The following FOXP2 variants were observed in gnomAD, a reference collection of about 807,000 sequenced individuals.
The protein encoded by FOXP2 is forkhead box protein P2.
A neutral mutation model predicts 115.8 loss-of-function variants in FOXP2; 12 were observed. The ratio of observed to expected loss-of-function variants is 0.10; its 90% CI spans 0.07 to 0.17. The LOEUF (loss-of-function observed/expected upper bound fraction) is 0.17, where lower values mean the gene tolerates loss of function less well. Among genes scored for constraint, FOXP2 ranks in the 10% least tolerant of loss-of-function variants. FOXP2 has a pLI of 1.00. For missense variants in FOXP2, 629 were observed against 843.5 expected (o/e 0.75, Z 3.15); for synonymous variants, 328 against 297.7 (o/e 1.10, Z -1.05).
intron 1 of FOXP2, among the ~76,000 whole-genome samples, chr7:114,277,923 G>A (rs994772225): frequency 2.8e-4 from 43 of 151,618 alleles, no homozygotes; most frequent in African/African-American, 9.4e-4. Context: ...AGCTACTGGG[G>A]AGGCTAAGGC....
At chr7:114,564,288 T>C (rs1335205514) in intron 3 of FOXP2, among the ~76,000 whole-genome samples, 1 of 152,146 alleles carries the variant, frequency 6.6e-6, no homozygotes, top group Non-Finnish European at 1.5e-5. Context: ...CCTACTCATT[T>C]CTTGGGAGCC....
intron 16 of FOXP2, among the ~76,000 whole-genome samples, chr7:114,684,126 G>A (rs1808235888): frequency 6.6e-6 from 1 of 152,080 alleles, no homozygotes; most frequent in Non-Finnish European, 1.5e-5. Context: ...CCAAGTAGCT[G>A]GAACTACAAA....
At chr7:114,127,723 A>G (rs895544276) in intron 1 of FOXP2, among the ~76,000 whole-genome samples, 1 of 152,144 alleles carries the variant, frequency 6.6e-6, no homozygotes, top group African/African-American at 2.4e-5. Flanking sequence ...CTGCATAGAG[A>G]TCAGTAGATG....
chr7:114,345,199 G>A (rs1791318108), intron 2 of FOXP2, among the ~76,000 whole-genome samples: 1 of 151,670 alleles, frequency 6.6e-6, no homozygotes, highest in African/African-American at 2.4e-5. Context: ...AAATATTTGA[G>A]TAAAAATAAG....
chr7:114,666,775 C>A (rs759143635), intron 16 of FOXP2: 2 of 152,052 alleles, frequency 1.3e-5, no homozygotes, highest in Non-Finnish European at 2.9e-5. Context: ...TAGTTAATAG[C>A]CAAGTGGGAT....
At chr7:114,120,019 A>G (rs1230655292) in intron 1 of FOXP2, among the ~76,000 whole-genome samples, 1 of 152,214 alleles carries the variant, frequency 6.6e-6, no homozygotes, top group Admixed American at 6.5e-5. Context: ...GCAGAGGTAT[A>G]GAAAATCCCA....
At chr7:114,157,729 CT>C (rs1314029750) in intron 1 of FOXP2, among the ~76,000 whole-genome samples, 4 of 152,068 alleles carry the variant, frequency 2.6e-5, no homozygotes, top group African/African-American at 7.2e-5. Flanking sequence ...CCACTTCCCC[CT>C]GTGCCAGTCT....
intron 1 of FOXP2, among the ~76,000 whole-genome samples, chr7:114,271,804 A>T (rs1360059061): frequency 8.3e-6 from 1 of 119,800 alleles, no homozygotes; most frequent in African/African-American, 3.4e-5. Context: ...CATATTATTT[A>T]TATTTATATA....
rs1231061465 is a variant in FOXP2 at position 114,313,711 on chromosome 7, C to G, written c.-11+25602C>G. On this transcript the variant is annotated intron_variant, in intron 2 of 17. Coordinates refer to the FOXP2 transcript ENST00000634411. ...AGTGAGCCGAGATTGCGCCACTGCACTCCAGCCTGGGCGACAGAGCGAGAC... is the reference window on the plus strand; with the variant it reads ...AGTGAGCCGAGATTGCGCCACTGCAGTCCAGCCTGGGCGACAGAGCGAGAC... Among the ~76,000 whole-genome samples, 2 of 49,452 alleles carry G rather than the reference C, an allele frequency of 4.0e-5. 1 individual carries two copies. Among genetic ancestry groups the G allele is most frequent in the Non-Finnish European group, 6.8e-5 (2 of 29,462 alleles). The allele number at this position is 49,452 out of a possible 152,430, so 32.4% of individuals were successfully genotyped here.
rs547497847 is a variant in FOXP2 at position 114,439,544 on chromosome 7, CTTATTTAT to C, written c.168+12884_168+12891del. Among the ~76,000 whole-genome samples the C allele has an allele frequency of 2.0e-4, 30 of 151,646 alleles. 1 individual carries two copies. The highest frequency in any genetic ancestry group is 4.1e-4 in the Non-Finnish European group (28 of 67,924). On this transcript the variant is annotated intron_variant, in intron 2 of 16. Coordinates refer to ENST00000350908, the MANE Select transcript of FOXP2 (RefSeq NM_014491.4). ...CAGCATTGTGTTAAGTGTAAATTAT[CTTATTTAT>C]TTATTTATTTATTTATTTTATTTTT...
At chr7:114,401,308 T>A (rs1035956578) in intron 2 of FOXP2, among the ~76,000 whole-genome samples, 2 of 152,172 alleles carry the variant, frequency 1.3e-5, no homozygotes, top group Non-Finnish European at 2.9e-5. Context: ...AGAACACCAT[T>A]AATATTTAGA....
chr7:114,207,604 A>G (rs1265488789), intron 1 of FOXP2, among the ~76,000 whole-genome samples: 1 of 152,180 alleles, frequency 6.6e-6, no homozygotes, highest in Non-Finnish European at 1.5e-5. Context: ...TTCCTATTGG[A>G]CCTACTTAAT....
rs558159153 is a variant in FOXP2 at position 114,486,838 on chromosome 7, C to T, written c.169-47779C>T. 4.7e-3 allele frequency among the ~76,000 whole-genome samples: 712 copies of T among 152,318 alleles called. 4 individuals carry two copies. The highest frequency in any genetic ancestry group is 7.3e-3 in the Non-Finnish European group (498 of 68,030). Reference sequence around the variant, plus strand: ...ACATCCAGGTCATGTTCCTATAAGACGTGGGTTCCCATAGCCTTGGGCAGC... The same window carrying T: ...ACATCCAGGTCATGTTCCTATAAGATGTGGGTTCCCATAGCCTTGGGCAGC... On this transcript the variant is annotated intron_variant, in intron 2 of 16. Coordinates refer to ENST00000350908, the MANE Select transcript of FOXP2 (RefSeq NM_014491.4).
chr7:114,193,965 C>T (rs1793830641), intron 1 of FOXP2, among the ~76,000 whole-genome samples: 1 of 152,052 alleles, frequency 6.6e-6, no homozygotes, highest in African/African-American at 2.4e-5. Flanking sequence ...AGGTAAATTA[C>T]TTGTACAACA....
At chr7:114,498,696 G>C (rs2040658) in intron 2 of FOXP2, among the ~76,000 whole-genome samples, 96,562 of 151,998 alleles carry the variant, frequency 0.64, 31,722 homozygotes, top group African/African-American at 0.81. Flanking sequence ...CCAAAAGAAA[G>C]ATTTTAGTTA....
intron 1 of FOXP2, among the ~76,000 whole-genome samples, chr7:114,217,515 C>T (rs1794516922): frequency 6.6e-6 from 1 of 151,752 alleles, no homozygotes; most frequent in South Asian, 2.1e-4. Flanking sequence ...TTCCTATAGG[C>T]AGAGAAACAC....
chr7:114,167,577 G>T (rs541563546), intron 1 of FOXP2, among the ~76,000 whole-genome samples: 1 of 152,164 alleles, frequency 6.6e-6, no homozygotes, highest in East Asian at 1.9e-4. Context: ...TGAATCATGG[G>T]GGCAGGTCTT....
intron 2 of FOXP2, among the ~76,000 whole-genome samples, chr7:114,332,149 TA>T (rs1281249127): frequency 2.0e-5 from 3 of 151,932 alleles, no homozygotes; most frequent in African/African-American, 7.3e-5. Context: ...TGTGCATGAG[TA>T]GGGGGTAATG....
intron 1 of FOXP2, among the ~76,000 whole-genome samples, chr7:114,216,040 C>A (rs1017640494): frequency 6.6e-6 from 1 of 152,070 alleles, no homozygotes; most frequent in Non-Finnish European, 1.5e-5. Context: ...GAGGCAGGGA[C>A]AAAAACAGGC....
Sources: allele counts gnomAD v4.1 joint callset (sites outside exome capture counted in the v4.1 genomes callset), GRCh38; gene constraint gnomAD v4.1.1; transcripts MANE v1.5; gene names NCBI Gene and HGNC (gene_info 2026-07-23, HGNC 2026-07-21).